Variants in MED6 observed in about 807,000 individuals in gnomAD.
MED6 encodes mediator of RNA polymerase II transcription subunit 6.
Under a neutral mutation model 37.5 loss-of-function variants are expected in MED6, and 33 were observed. The observed-to-expected ratio is 0.88, with a 90% CI of 0.67 to 1.18. MED6 has a LOEUF of 1.18. Ranked by LOEUF, MED6 falls within the 50% of genes most tolerant of loss-of-function variation. The probability of loss-of-function intolerance (pLI) is 0.00; values close to 1 mark genes in which losing one functional copy is unlikely to be tolerated. For missense variants in MED6, 235 were observed against 290.6 expected, an observed-to-expected ratio of 0.81 and a Z score of 1.39; for synonymous variants, 94 against 93.6, an observed-to-expected ratio of 1.00 and a Z score of -0.02.
At chr14:70,600,246 GAA>G (rs1297875845) in intron 1 of MED6, among the ~76,000 whole-genome samples, 2 of 152,140 alleles carry the variant, frequency 1.3e-5, no homozygotes, top group African/African-American at 4.8e-5. Flanking sequence ...CCCAAGAGAT[GAA>G]TCAAATCAAG....
intron 3 of MED6, chr14:70,596,393 A>G (rs943068427): frequency 2.3e-6 from 1 of 432,488 alleles, no homozygotes; most frequent in Non-Finnish European, 4.2e-6. Flanking sequence ...TTCCAGTACT[A>G]ATCTGGCTGC....
chr14:70,589,819 G>T (rs1482970130), intron 6 of MED6, among the ~76,000 whole-genome samples: 1 of 152,124 alleles, frequency 6.6e-6, no homozygotes, highest in Non-Finnish European at 1.5e-5. Context: ...AACCTTCAGA[G>T]GATTCTTCTG....
chr14:70,591,480 T>C, intron 5 of MED6, 99 bp from the exon 6 acceptor site: 1 of 869,874 alleles, frequency 1.1e-6, no homozygotes, highest in African/African-American at 1.7e-5. Flanking sequence ...CAAACTTCAT[T>C]ATTTTTAATG....
intron 6 of MED6, among the ~76,000 whole-genome samples, chr14:70,588,578 C>G (rs1884777360): frequency 6.6e-6 from 1 of 151,670 alleles, no homozygotes; most frequent in South Asian, 2.1e-4. Context: ...CCCAGCTACT[C>G]AGGAGGCTGA....
intron 6 of MED6, among the ~76,000 whole-genome samples, chr14:70,590,660 C>G (rs1190576787): frequency 6.6e-6 from 1 of 152,152 alleles, no homozygotes; most frequent in Non-Finnish European, 1.5e-5. Context: ...TCATCTATTC[C>G]ATTCCATATC....
At chr14:70,594,800 C>G (rs1203932844) in intron 3 of MED6, 1 of 599,330 alleles carries the variant, frequency 1.7e-6, no homozygotes, top group South Asian at 1.5e-5. Context: ...GGAGACCATG[C>G]AAAGCCTGAA....
At chr14:70,597,992 T>C (rs1343211688) in intron 1 of MED6, among the ~76,000 whole-genome samples, 1 of 152,126 alleles carries the variant, frequency 6.6e-6, no homozygotes, top group Non-Finnish European at 1.5e-5. Context: ...ACCCTGTCTC[T>C]ACTAAAAATA....
chr14:70,591,183 T>C lies in MED6; in HGVS notation c.582+83A>G, dbSNP rs55831916. The C allele has an allele frequency of 0.037, 40,093 of 1,078,866 alleles. 1,163 individuals carry two copies. The highest frequency in any genetic ancestry group is 0.13 in the African/African-American group (8,012 of 61,398). The allele number at this position is 1,078,866 out of a possible 1,614,324, so 66.8% of individuals were successfully genotyped here. On this transcript the variant is annotated intron_variant, in intron 6 of 7. Transcript: ENST00000256379. Reference sequence around the variant, plus strand: ...AGGAAAATTGTACTTTTAGGTCACATCTGAAACAGTTCTCAATTAAAAATT... The same window carrying C: ...AGGAAAATTGTACTTTTAGGTCACACCTGAAACAGTTCTCAATTAAAAATT...
intron 6 of MED6, among the ~76,000 whole-genome samples, 171 bp downstream of exon 6, chr14:70,591,095 C>T (rs1655066241): frequency 6.6e-6 from 1 of 152,176 alleles, no homozygotes; most frequent in African/African-American, 2.4e-5. Flanking sequence ...TCCATTTACC[C>T]ATTTCTTCCA....
chr14:70,594,540 T>C, intron 3 of MED6: 2 of 384,662 alleles, frequency 5.2e-6, no homozygotes, highest in South Asian at 2.4e-5. Flanking sequence ...CTCACTCTCC[T>C]CCCCAGACAG....
At chr14:70,589,375 C>A (rs1392715579) in intron 6 of MED6, among the ~76,000 whole-genome samples, 3 of 152,186 alleles carry the variant, frequency 2.0e-5, no homozygotes, top group Non-Finnish European at 4.4e-5. Flanking sequence ...CATACTGTTA[C>A]TAGTTGCATT....
At chr14:70,594,688 C>T in intron 3 of MED6, 1 of 456,218 alleles carries the variant, frequency 2.2e-6, no homozygotes, top group Non-Finnish European at 4.2e-6. Context: ...TCCCAGATCT[C>T]CGTGTCCCGC....
chr14:70,586,198 G>A (rs1195208915), intron 6 of MED6, among the ~76,000 whole-genome samples: 5 of 152,198 alleles, frequency 3.3e-5, no homozygotes, highest in Non-Finnish European at 2.9e-5. Context: ...GGAGAATGAA[G>A]TATGGATGAA....
In MED6 at chr14:70,600,654, A is replaced by C. The variant is rs1327991447; in HGVS notation, c.-17T>G. On this transcript the variant is annotated 5_prime_UTR_variant, in exon 1 of 8. Coordinates refer to ENST00000256379, the MANE Select transcript of MED6 (RefSeq NM_005466.4). ...CGCCGCCATAATTCCGAGAGCGTTT[A>C]CAGGTTCTCTTTCCGGCGCAAAGTA... 2 of 1,613,104 alleles carry C rather than the reference A, an allele frequency of 1.2e-6. No homozygotes were observed. The highest frequency in any genetic ancestry group is 1.7e-6 in the Non-Finnish European group (2 of 1,179,866).
Position 70,593,373 on chromosome 14 carries a change from G to T in MED6, c.280C>A (p.Pro94Thr). Residue 94 changes from proline to threonine, a missense_variant, in exon 4 of 8, where the codon CCA becomes ACA. Transcript: ENST00000256379. ...GCAATGATATAGTAATCAGCTAGTG[G>T]GATAACTAAAACAGTGGGAAAAAAG... ...QQRQSPAQVI[P>T]LADYYIIAGV... 6.2e-7 allele frequency: 1 copy of T among 1,611,956 alleles called. No individual in the cohort carries two copies. The highest frequency in any genetic ancestry group is 1.1e-5 in the South Asian group (1 of 90,892).
rs1884639045 is a variant in MED6, at chr14:70,584,389, T to C, written c.*424A>G. ...GATGGGAATAATATCTTTTCTTCTT[T>C]TTTGAGACAAAGTCTCGCTCTGTCG... is the stretch of plus-strand genomic sequence containing the variant. On this transcript the variant is annotated 3_prime_UTR_variant, in exon 8 of 8. Coordinates refer to ENST00000256379, the MANE Select transcript of MED6 (RefSeq NM_005466.4). 2.4e-6 allele frequency: 1 copy of C among 415,822 alleles called. No homozygotes were observed. Among genetic ancestry groups the C allele is most frequent in the Non-Finnish European group, 4.3e-6 (1 of 233,338 alleles). The allele number at this position is 415,822 out of a possible 1,614,324, so 25.8% of individuals were successfully genotyped here. A position where few individuals can be genotyped will look rare whatever the true frequency, so the allele number is the denominator to read the frequency against.
Position 70,584,346 on chromosome 14 carries a change from A to C in MED6, c.*467T>G. On this transcript the variant is annotated 3_prime_UTR_variant, in exon 8 of 8. Coordinates refer to ENST00000256379, the MANE Select transcript of MED6 (RefSeq NM_005466.4). ...AAAGGTTACAGAAGACATATAACAAATATTCACAAGAAATCATGATGGGAA... is the reference window on the plus strand; with the variant it reads ...AAAGGTTACAGAAGACATATAACAACTATTCACAAGAAATCATGATGGGAA... 2.0e-6 allele frequency: 1 copy of C among 491,854 alleles called. No individual in the cohort carries two copies. Among genetic ancestry groups the C allele is most frequent in the Admixed American group, 3.5e-5 (1 of 28,856 alleles). 30.5% of individuals were successfully genotyped at this position (491,854 alleles called of 1,614,324 possible).
At chr14:70,592,693 C>G in intron 5 of MED6, 187 bp downstream of exon 5, 1 of 492,336 alleles carries the variant, frequency 2.0e-6, no homozygotes, top group Non-Finnish European at 3.6e-6. Flanking sequence ...AGTGAACTTG[C>G]ATCTGTTCCT....
chr14:70,593,192 T>A, intron 4 of MED6, 104 bp downstream of exon 4: 3 of 1,250,398 alleles, frequency 2.4e-6, no homozygotes, highest in Non-Finnish European at 3.4e-6. Flanking sequence ...AGTCAATACT[T>A]TATAGCAACT....
Sources: gnomAD v4.1 joint callset for allele counts (sites outside exome capture counted in the v4.1 genomes callset) on GRCh38, gnomAD v4.1.1 for gene constraint, MANE v1.5 for transcripts, NCBI Gene and HGNC (gene_info 2026-07-23, HGNC 2026-07-21) for gene names.